The following LINC00305 variants were observed in gnomAD, a reference collection of about 807,000 sequenced individuals.
LINC00305 encodes the protein long intergenic non-protein coding RNA 305.
chr18:64,107,280 T>C (rs999023590), intron 1 of LINC00305, among the ~76,000 whole-genome samples: 2 of 152,174 alleles, frequency 1.3e-5, no homozygotes, highest in Non-Finnish European at 2.9e-5. Flanking sequence ...AGTAATAGAA[T>C]GCTTGGTAGA....
chr18:64,129,832 A>C (rs920098288), intron 1 of LINC00305, among the ~76,000 whole-genome samples: 9 of 152,062 alleles, frequency 5.9e-5, no homozygotes, highest in African/African-American at 2.2e-4. Flanking sequence ...TATTTTGTAG[A>C]ATTGGTAAAG....
intron 3 of LINC00305, among the ~76,000 whole-genome samples, chr18:64,092,441 A>G (rs2051228277): frequency 6.6e-6 from 1 of 152,206 alleles, no homozygotes; most frequent in South Asian, 2.1e-4. Context: ...AGGTGCCTGT[A>G]GTCCCAGCTA....
chr18:64,115,461 C>G (rs1234392540), intron 1 of LINC00305, among the ~76,000 whole-genome samples: 3 of 151,528 alleles, frequency 2.0e-5, no homozygotes, highest in Admixed American at 1.3e-4. Context: ...TTTGCAGGTG[C>G]ATTTGTGTGT....
chr18:64,111,109 T>G (rs2051312879), intron 1 of LINC00305, among the ~76,000 whole-genome samples: 1 of 152,226 alleles, frequency 6.6e-6, no homozygotes, highest in Admixed American at 6.5e-5. Flanking sequence ...GAGGAAAGAC[T>G]GTGAGAAAAA....
chr18:64,102,149 A>G (rs950795889), intron 1 of LINC00305, among the ~76,000 whole-genome samples: 1 of 152,132 alleles, frequency 6.6e-6, no homozygotes, highest in South Asian at 2.1e-4. Flanking sequence ...TGTCCCATAA[A>G]CATACACAAG....
At chr18:64,100,205 C>G (rs2144239327) in intron 1 of LINC00305, among the ~76,000 whole-genome samples, 1 of 152,104 alleles carries the variant, frequency 6.6e-6, no homozygotes, top group Non-Finnish European at 1.5e-5. Context: ...TATAAAAAGC[C>G]TCGTGTAACA....
intron 1 of LINC00305, among the ~76,000 whole-genome samples, chr18:64,110,560 A>G (rs1053470111): frequency 1.3e-5 from 2 of 152,142 alleles, no homozygotes; most frequent in African/African-American, 2.4e-5. Flanking sequence ...TGAAGAAGAA[A>G]TGCTTGAGAT....
intron 1 of LINC00305, among the ~76,000 whole-genome samples, chr18:64,142,122 G>GT (rs1441782876): frequency 6.6e-6 from 1 of 152,198 alleles, no homozygotes; most frequent in East Asian, 1.9e-4. Context: ...TGAGTGGCGA[G>GT]TTGGGGTGGC....
At chr18:64,127,564 GA>G (rs1047413159) in intron 1 of LINC00305, 2 of 152,088 alleles carry the variant, frequency 1.3e-5, no homozygotes, top group African/African-American at 4.8e-5. Flanking sequence ...GTTTCATCCT[GA>G]AAAACCTGGT....
intron 3 of LINC00305, among the ~76,000 whole-genome samples, chr18:64,096,595 A>C (rs1459777814): frequency 6.6e-6 from 1 of 151,926 alleles, no homozygotes; most frequent in African/African-American, 2.4e-5. Context: ...AGGAAAATGT[A>C]ATGCTATTTG....
chr18:64,081,954 G>A lies in LINC00305; in HGVS notation n.541-1552C>T, dbSNP rs2051186829. 3.3e-5 allele frequency among the ~76,000 whole-genome samples: 5 copies of A among 152,160 alleles called. No individual in the cohort carries two copies. The South Asian group carries it at 1.0e-3, about 32-fold the overall frequency. ...GGCTGTGATGAAGGTGGAGGGAAAA[G>A]GGGCCTCTTTTAATCTTGGTCCTTT... On this transcript the variant is annotated intron_variant and non_coding_transcript_variant, in intron 3 of 3. Transcript: ENST00000666468.
At chr18:64,097,943 A>C in exon 3 of LINC00305, 1 of 458,008 alleles carries the variant, frequency 2.2e-6, no homozygotes, top group Non-Finnish European at 4.4e-6. Context: ...GCTGCTGACC[A>C]GTTTCCATCT....
chr18:64,081,218 A>C (rs1190691936), intron 3 of LINC00305, among the ~76,000 whole-genome samples: 1 of 152,252 alleles, frequency 6.6e-6, no homozygotes, highest in Non-Finnish European at 1.5e-5. Flanking sequence ...AGGTAGATGT[A>C]CTCTGCAAAT....
At chr18:64,108,425 G>T (rs562331439) in intron 1 of LINC00305, among the ~76,000 whole-genome samples, 2 of 152,150 alleles carry the variant, frequency 1.3e-5, no homozygotes, top group Non-Finnish European at 2.9e-5. Context: ...CAGAGAGAAG[G>T]AAAGATGAAA....
chr18:64,107,280 T>G (rs999023590), intron 1 of LINC00305, among the ~76,000 whole-genome samples: 3 of 152,174 alleles, frequency 2.0e-5, no homozygotes. Context: ...AGTAATAGAA[T>G]GCTTGGTAGA....
intron 1 of LINC00305, among the ~76,000 whole-genome samples, chr18:64,145,322 G>A (rs2051491961): frequency 6.6e-6 from 1 of 152,024 alleles, no homozygotes; most frequent in Non-Finnish European, 1.5e-5. Context: ...ATCCCCATGT[G>A]ACCATCTCAC....
intron 1 of LINC00305, among the ~76,000 whole-genome samples, chr18:64,099,856 C>G (rs1411784683): frequency 6.6e-6 from 1 of 151,990 alleles, no homozygotes; most frequent in South Asian, 2.1e-4. Flanking sequence ...TCAAACGGCA[C>G]AAAAAATGGT....
chr18:64,092,100 G>T (rs1156395221), intron 3 of LINC00305, among the ~76,000 whole-genome samples: 1 of 152,148 alleles, frequency 6.6e-6, no homozygotes, highest in African/African-American at 2.4e-5. Context: ...TTTCCCTTAG[G>T]TTAATTTCAC....
intron 1 of LINC00305, among the ~76,000 whole-genome samples, chr18:64,120,630 T>C (rs2144258596): frequency 6.6e-6 from 1 of 152,276 alleles, no homozygotes; most frequent in Non-Finnish European, 1.5e-5. Context: ...TGTTTTGTTA[T>C]GTTCAATGTA....
Sources: gnomAD v4.1 joint callset for allele counts (sites outside exome capture counted in the v4.1 genomes callset) on GRCh38, gnomAD v4.1.1 for gene constraint, MANE v1.5 for transcripts, NCBI Gene and HGNC (gene_info 2026-07-23, HGNC 2026-07-21) for gene names.